Variants in MARCHF3 observed in about 807,000 individuals in gnomAD.
MARCHF3 encodes membrane associated ring-CH-type finger 3.
Under a neutral mutation model 24.2 loss-of-function variants are expected in MARCHF3, and 13 were observed. That is an observed-to-expected ratio of 0.54 (90% CI 0.35 to 0.85). MARCHF3 has a LOEUF of 0.85. Ranked by LOEUF, MARCHF3 falls within the 40% of genes least tolerant of loss-of-function variation. The pLI, the probability that MARCHF3 is intolerant of heterozygous loss-of-function variation, is 0.01. For missense variants in MARCHF3, 276 were observed against 325.0 expected (o/e 0.85, Z 1.16); for synonymous variants, 144 against 137.3 (o/e 1.05, Z -0.34).
At chr5:126,877,983 G>C (rs1260949496) in intron 4 of MARCHF3, among the ~76,000 whole-genome samples, 1 of 151,878 alleles carries the variant, frequency 6.6e-6, no homozygotes, top group Non-Finnish European at 1.5e-5. Context: ...TATGTGATCC[G>C]CCTTAGCAGC....
At position 126,897,045 on chromosome 5, in the gene MARCHF3, A is replaced by ATTTTTTTTTTTTT. The variant is rs759577287; in HGVS notation, c.393+17884_393+17885insAAAAAAAAAAAAA. The stretch of plus-strand genomic sequence containing the variant: ...CAATCCAACTTTCTGAAGTTTGAGA[A>ATTTTTTTTTTTTT]TTTTTTTTTTTGAGATGGAGTTTCA... On this transcript the variant is annotated intron_variant, in intron 3 of 4. Transcript: ENST00000308660. Among the ~76,000 whole-genome samples, 32 of 116,444 alleles carry ATTTTTTTTTTTTT rather than the reference A, an allele frequency of 2.7e-4. 8 individuals are homozygous for ATTTTTTTTTTTTT. Among genetic ancestry groups the ATTTTTTTTTTTTT allele is most frequent in the Non-Finnish European group, 3.3e-4 (20 of 59,830 alleles). The allele number at this position is 116,444 out of a possible 152,430, so 76.4% of individuals were successfully genotyped here. A position where few individuals can be genotyped will look rare whatever the true frequency, so the allele number is the denominator to read the frequency against.
intron 3 of MARCHF3, among the ~76,000 whole-genome samples, chr5:126,900,983 G>A (rs1211503254): frequency 1.3e-5 from 2 of 152,024 alleles, no homozygotes; most frequent in Non-Finnish European, 2.9e-5. Flanking sequence ...TGGGATAACA[G>A]GCATGAGCCA....
At chr5:126,958,804 C>T (rs1750538492) in intron 1 of MARCHF3, among the ~76,000 whole-genome samples, 1 of 152,104 alleles carries the variant, frequency 6.6e-6, no homozygotes, top group African/African-American at 2.4e-5. Context: ...TTAAAACAAA[C>T]CTAACTCCAC....
At position 126,999,535 on chromosome 5, in the gene MARCHF3, A is replaced by G. The variant is rs55685382; in HGVS notation, c.-57+30815T>C. On this transcript the variant is annotated intron_variant, in intron 1 of 4. Coordinates refer to ENST00000308660, the MANE Select transcript of MARCHF3 (RefSeq NM_178450.5). ...CTCGTTGTTCTATTTCTAGGCCTAA[A>G]TTTACCTTCCCTCCATTACAGCTTC... Among the ~76,000 whole-genome samples the G allele has an allele frequency of 1.4e-3, 217 of 152,116 alleles. 1 individual carries two copies. Among genetic ancestry groups the G allele is most frequent in the African/African-American group, 5.2e-3 (217 of 41,488 alleles).
intron 3 of MARCHF3, among the ~76,000 whole-genome samples, chr5:126,889,910 C>A (rs1162000425): frequency 3.9e-5 from 6 of 152,140 alleles, no homozygotes; most frequent in African/African-American, 1.4e-4. Context: ...TGAGGCACTC[C>A]CTGTTCACAT....
chr5:127,017,927 T>C (rs900392436), intron 1 of MARCHF3, among the ~76,000 whole-genome samples: 1 of 152,246 alleles, frequency 6.6e-6, no homozygotes, highest in African/African-American at 2.4e-5. Context: ...GACTGGATTA[T>C]TAGAGGCCAA....
chr5:126,954,751 T>G (rs1397432855), intron 1 of MARCHF3, among the ~76,000 whole-genome samples: 2 of 151,682 alleles, frequency 1.3e-5, no homozygotes, highest in African/African-American at 4.8e-5. Context: ...TTAAAAAAAG[T>G]TTACATTTTG....
In MARCHF3 at chr5:126,938,531, GGCAAAAAAA is replaced by G. The variant is rs563106094; in HGVS notation, c.-56-20313_-56-20305del. Among the ~76,000 whole-genome samples, 538 of 149,272 alleles carry G rather than the reference GGCAAAAAAA, an allele frequency of 3.6e-3. 4 individuals are homozygous for G. The highest frequency in any genetic ancestry group is 0.01 in the African/African-American group (407 of 40,534). On this transcript the variant is annotated intron_variant, in intron 1 of 4. Transcript: ENST00000308660. Reference sequence around the variant, plus strand: ...TTAAAAGCTAGGAGTTAACATGTAGGGCAAAAAAAGCAAAAAAAGCAAAAAAAAAAAAAA... The same window carrying G: ...TTAAAAGCTAGGAGTTAACATGTAGGGCAAAAAAAGCAAAAAAAAAAAAAA...
At chr5:126,899,288 A>G in intron 3 of MARCHF3, 1 of 985,362 alleles carries the variant, frequency 1.0e-6, no homozygotes, top group Non-Finnish European at 1.2e-6. Context: ...AGTGAGGCAA[A>G]GAATTGAGGG....
Position 126,877,648 on chromosome 5 carries a change from G to T in MARCHF3, c.603+537C>A, listed in dbSNP as rs150859835. 3.0e-3 allele frequency among the ~76,000 whole-genome samples: 460 copies of T among 152,302 alleles called. 4 individuals are homozygous for T. The highest frequency in any genetic ancestry group is 0.01 in the African/African-American group (435 of 41,570). On this transcript the variant is annotated intron_variant, in intron 4 of 4. Transcript: ENST00000308660. ...GCTAGATAAATTAGTGCTTTTATGG[G>T]CAGCAGAGTCAATATCCCAACACAC...
At chr5:127,001,357 G>T (rs76862521) in intron 1 of MARCHF3, among the ~76,000 whole-genome samples, 2 of 152,100 alleles carry the variant, frequency 1.3e-5, no homozygotes, top group Non-Finnish European at 2.9e-5. Context: ...GGGTCAGAAA[G>T]GTTCTTATTT....
chr5:126,956,112 G>A (rs1469851192), intron 1 of MARCHF3, among the ~76,000 whole-genome samples: 1 of 151,884 alleles, frequency 6.6e-6, no homozygotes, highest in Non-Finnish European at 1.5e-5. Context: ...GATTGTTTTC[G>A]GAGTTTCTAC....
chr5:126,951,389 T>C (rs73337239), intron 1 of MARCHF3, among the ~76,000 whole-genome samples: 2,381 of 152,280 alleles, frequency 0.016, 58 homozygotes, highest in African/African-American at 0.051. Context: ...TATATCTCCA[T>C]CCCAGACTTC....
chr5:126,962,106 C>T (rs1192610367), intron 1 of MARCHF3, among the ~76,000 whole-genome samples: 3 of 152,074 alleles, frequency 2.0e-5, no homozygotes, highest in African/African-American at 4.8e-5. Flanking sequence ...TGTGAAGAAA[C>T]AAATATATGG....
chr5:126,959,398 A>G (rs761431505), intron 1 of MARCHF3, among the ~76,000 whole-genome samples: 8 of 152,194 alleles, frequency 5.3e-5, no homozygotes, highest in Non-Finnish European at 1.2e-4. Context: ...TCTCAAAACT[A>G]TCTAGGTCAT....
chr5:126,906,784 A>C (rs1235217367), intron 3 of MARCHF3, among the ~76,000 whole-genome samples: 1 of 151,962 alleles, frequency 6.6e-6, no homozygotes, highest in Non-Finnish European at 1.5e-5. Flanking sequence ...GGATTCGTTA[A>C]TTTTTTGAAA....
At chr5:126,874,607 C>T (rs116439564) in intron 4 of MARCHF3, among the ~76,000 whole-genome samples, 2,475 of 149,766 alleles carry the variant, frequency 0.017, 66 homozygotes, top group African/African-American at 0.058. Flanking sequence ...AAAAAAAAGT[C>T]ACAGAAGGCT....
intron 3 of MARCHF3, among the ~76,000 whole-genome samples, chr5:126,900,383 G>C (rs1018933792): frequency 6.6e-6 from 1 of 152,014 alleles, no homozygotes; most frequent in African/African-American, 2.4e-5. Flanking sequence ...AGGTGATTAG[G>C]TCAGGAGGAT....
intron 1 of MARCHF3, among the ~76,000 whole-genome samples, chr5:127,021,301 C>T (rs1752797060): frequency 6.6e-6 from 1 of 152,128 alleles, no homozygotes; most frequent in Non-Finnish European, 1.5e-5. Flanking sequence ...AAGATTACAT[C>T]AATGTCTAGT....
Sources: allele counts gnomAD v4.1 joint callset (sites outside exome capture counted in the v4.1 genomes callset), GRCh38; gene constraint gnomAD v4.1.1; transcripts MANE v1.5; gene names NCBI Gene and HGNC (gene_info 2026-07-23, HGNC 2026-07-21).